TMEM208: variants seen among roughly 807,000 people sequenced by gnomAD.
TMEM208 encodes SRP-independent targeting 2 homolog.
TMEM208 carries 19 observed loss-of-function variants against 26.4 expected under a neutral mutation model. That is an observed-to-expected ratio of 0.72 (90% CI 0.50 to 1.06). The LOEUF is 1.06. TMEM208 is among the 50% of genes least tolerant of loss of function. The pLI, the probability that TMEM208 is intolerant of heterozygous loss-of-function variation, is 0.00. For missense variants in TMEM208, 183 were observed against 219.8 expected, an observed-to-expected ratio of 0.83 and a Z score of 1.06; for synonymous variants, 93 against 83.1, an observed-to-expected ratio of 1.12 and a Z score of -0.65.
At chr16:67,227,269 C>T (rs1474127808) in intron 1 of TMEM208, 45 bp downstream of exon 1, 3 of 1,599,674 alleles carry the variant, frequency 1.9e-6, no homozygotes, top group African/African-American at 2.7e-5. Context: ...CAAAGCTCTC[C>T]AGGGGCTGTG....
At chr16:67,228,935 T>C in intron 5 of TMEM208, 41 bp from the exon 6 acceptor site, 1 of 1,611,758 alleles carries the variant, frequency 6.2e-7, no homozygotes, top group Non-Finnish European at 8.5e-7. Flanking sequence ...CCCCATCTTT[T>C]ATTCCCTGCA....
Position 67,229,054 on chromosome 16 carries a change from C to G in TMEM208, c.463C>G (p.Pro155Ala). 1 of 1,613,468 alleles carries G rather than the reference C, an allele frequency of 6.2e-7. No individual in the cohort carries two copies. The highest frequency in any genetic ancestry group is 1.3e-5 in the African/African-American group (1 of 75,028). The part of the protein sequence containing the change: ...WFTADSGTPA[P>A]EHNEKRQRRQ... The stretch of plus-strand genomic sequence containing the variant: ...CACTGCAGACAGTGGCACCCCAGCA[C>G]CAGAGCACAATGAGAAACGGCAGCG... Residue 155 changes from proline (P) to alanine (A), a missense_variant, in exon 6 of 6, where the codon CCA (proline) becomes GCA (alanine). Pro to Ala is a conservative substitution (Grantham distance 27). Transcript: ENST00000304800.
At chr16:67,227,798 C>T (rs372997554) in intron 1 of TMEM208, 38 bp from the exon 2 acceptor site, 31 of 1,516,978 alleles carry the variant, frequency 2.0e-5, no homozygotes, top group Non-Finnish European at 2.6e-5. Flanking sequence ...ATGAGGAGGA[C>T]CGTGGCCTCC....
chr16:67,228,284 G>C, intron 2 of TMEM208, 71 bp from the exon 3 acceptor site: 1 of 1,554,468 alleles, frequency 6.4e-7, no homozygotes, highest in African/African-American at 1.4e-5. Context: ...CTAATTCTTG[G>C]TCAGAGTTGA....
At chr16:67,228,163 T>C in intron 2 of TMEM208, 192 bp from the exon 3 acceptor site, 1 of 687,824 alleles carries the variant, frequency 1.5e-6, no homozygotes, top group Non-Finnish European at 2.5e-6. Flanking sequence ...ACACAAAGGC[T>C]TCTTTCCTGG....
At position 67,229,264 on chromosome 16, in the gene TMEM208, ATGGCT is replaced by A; in HGVS notation, c.*153_*157del. The A allele has an allele frequency of 1.3e-6, 1 of 774,526 alleles. No individual in the cohort carries two copies. Among genetic ancestry groups the A allele is most frequent in the South Asian group, 2.0e-5 (1 of 50,378 alleles). 48.0% of individuals were successfully genotyped at this position (774,526 alleles called of 1,614,324 possible). ...TATACTCTATAGGGTCGTTGAATAA[ATGGCT>A]TAGAATGTGGCTGATGGCTGTGTGG... On this transcript the variant is annotated 3_prime_UTR_variant, in exon 6 of 6. Coordinates refer to ENST00000304800, the MANE Select transcript of TMEM208 (RefSeq NM_014187.4).
intron 3 of TMEM208, 32 bp downstream of exon 3, chr16:67,228,446 T>A: frequency 6.2e-7 from 1 of 1,613,912 alleles, no homozygotes. Flanking sequence ...GGTGGATGAG[T>A]GCGTAGGGTC....
rs2034108321 is a variant in TMEM208, at chr16:67,228,421, A to G, written c.162+7A>G. The G allele has an allele frequency of 1.2e-6, 2 of 1,613,854 alleles. No individual in the cohort carries two copies. On this transcript the variant is annotated splice_region_variant and intron_variant, in intron 3 of 5. Transcript: ENST00000304800. ...TGCCTCATTTTGGGCCTGGGTAAGT[A>G]TCTCCATCCTGGGAGGTGGATGAGT...
At chr16:67,228,766 G>A (rs1167234420) in intron 4 of TMEM208, 31 bp from the exon 5 acceptor site, 1 of 1,601,478 alleles carries the variant, frequency 6.2e-7, no homozygotes, top group South Asian at 1.1e-5. Flanking sequence ...GGGCCCATAT[G>A]CTGTCTTTCC....
chr16:67,228,966 T>C lies in TMEM208; in HGVS notation c.385-10T>C. The C allele has an allele frequency of 6.2e-7, 1 of 1,608,492 alleles. No homozygotes were observed. The highest frequency in any genetic ancestry group is 8.5e-7 in the Non-Finnish European group (1 of 1,176,806). On this transcript the variant is annotated splice_polypyrimidine_tract_variant and intron_variant, in intron 5 of 5. Coordinates refer to ENST00000304800, the MANE Select transcript of TMEM208 (RefSeq NM_014187.4). ...CTGCATCTTGCTTCAAGTTACCGTT[T>C]CTCTTGTAGGCTCCAGGCCGGGCCC...
rs1298849636 is a variant in TMEM208 at position 67,227,145 on chromosome 16, G to T, written c.-74G>T. The T allele has an allele frequency of 1.9e-6, 3 of 1,599,414 alleles. No homozygotes were observed. Among genetic ancestry groups the T allele is most frequent in the African/African-American group, 1.3e-5 (1 of 74,714 alleles). ...GGTCTGCGCCGGAAGTGCATGAGCTGCCGATGTGGTGCTTAGTGATTGCGG... is the reference window on the plus strand; with the variant it reads ...GGTCTGCGCCGGAAGTGCATGAGCTTCCGATGTGGTGCTTAGTGATTGCGG... On this transcript the variant is annotated 5_prime_UTR_variant, in exon 1 of 6. Coordinates refer to ENST00000304800, the MANE Select transcript of TMEM208 (RefSeq NM_014187.4).
chr16:67,228,405 T>C lies in TMEM208; in HGVS notation c.153T>C (p.Phe51=), dbSNP rs181945200. 1 of 1,614,038 alleles carries C rather than the reference T, an allele frequency of 6.2e-7. No individual in the cohort carries two copies. Among genetic ancestry groups the C allele is most frequent in the East Asian group, 2.2e-5 (1 of 44,882 alleles). The part of the protein sequence containing the change: ...TLVFFYSSAS[F]WAWLALGFSL... ...TCTTCTTTTACTCATCTGCCTCATTTTGGGCCTGGGTAAGTATCTCCATCC... is the reference window on the plus strand; with the variant it reads ...TCTTCTTTTACTCATCTGCCTCATTCTGGGCCTGGGTAAGTATCTCCATCC... Residue 51 remains phenylalanine (F), a synonymous_variant, in exon 3 of 6, where the codon TTT becomes TTC. Transcript: ENST00000304800.
Position 67,229,075 on chromosome 16 carries a change from C to G in TMEM208, c.484C>G (p.Gln162Glu). Reference sequence around the variant, plus strand: ...AGCACCAGAGCACAATGAGAAACGGCAGCGCCGACAGGAGCGGCGGCAGAT... The same window carrying G: ...AGCACCAGAGCACAATGAGAAACGGGAGCGCCGACAGGAGCGGCGGCAGAT... ...TPAPEHNEKR[Q>E]RRQERRQMKR... Residue 162 changes from glutamine (Q) to glutamate (E), a missense_variant, in exon 6 of 6, where the codon CAG (glutamine) becomes GAG (glutamate). Gln to Glu is a conservative substitution (Grantham distance 29). Transcript: ENST00000304800. 1 of 1,612,800 alleles carries G rather than the reference C, an allele frequency of 6.2e-7. No homozygotes were observed. The highest frequency in any genetic ancestry group is 1.1e-5 in the South Asian group (1 of 91,004).
chr16:67,228,268 C>T, intron 2 of TMEM208, 87 bp from the exon 3 acceptor site: 2 of 1,460,868 alleles, frequency 1.4e-6, no homozygotes, highest in Non-Finnish European at 1.9e-6. Context: ...CCTCCCACAG[C>T]CTGGCCTAAT....
chr16:67,229,126 T>TGGCCACA lies in TMEM208; in HGVS notation c.*20_*26dup, dbSNP rs1345972025. 2.5e-6 allele frequency: 4 copies of TGGCCACA among 1,581,406 alleles called. No homozygotes were observed. The highest frequency in any genetic ancestry group is 8.6e-7 in the Non-Finnish European group (1 of 1,164,130). ...GAAGCGGTTATAGCCATTGACATTG[T>TGGCCACA]GGCCACAGGCCACTGGCCCTGGGTG... On this transcript the variant is annotated 3_prime_UTR_variant, in exon 6 of 6. Transcript: ENST00000304800.
Position 67,227,208 on chromosome 16 carries a change from T to G in TMEM208, c.-11T>G. The G allele has an allele frequency of 6.2e-7, 1 of 1,612,126 alleles. No individual in the cohort carries two copies. Among genetic ancestry groups the G allele is most frequent in the Non-Finnish European group, 8.5e-7 (1 of 1,178,758 alleles). On this transcript the variant is annotated 5_prime_UTR_variant, in exon 1 of 6. Transcript: ENST00000304800. ...TCCCGTGTTTCCCGGGCTGGGTATT[T>G]GCCTCGCACCATGGCGGTAAGGAGG...
rs760915236 is a variant in TMEM208, at chr16:67,228,393, A to C, written c.141A>C (p.Ser47=). ...TTGTGACGTTGGTCTTCTTTTACTC[A>C]TCTGCCTCATTTTGGGCCTGGGTAA... is the stretch of plus-strand genomic sequence containing the variant. ...YCLVTLVFFY[S]SASFWAWLAL... Residue 47 remains serine (S), a synonymous_variant, in exon 3 of 6, where the codon TCA becomes TCC. Transcript: ENST00000304800. The C allele has an allele frequency of 6.2e-7, 1 of 1,613,948 alleles. No homozygotes were observed. Among genetic ancestry groups the C allele is most frequent in the Non-Finnish European group, 8.5e-7 (1 of 1,179,888 alleles).
rs1555495624 is a variant in TMEM208, at chr16:67,228,629, A to G, written c.297A>G (p.Ala99=). The change falls in exon 4 of 6, where the codon GCA becomes GCG. Residue 99 remains alanine (A), a splice_region_variant and synonymous_variant. Coordinates refer to ENST00000304800, the MANE Select transcript of TMEM208 (RefSeq NM_014187.4). The part of the protein sequence containing the change: ...GMDLNMEQGM[A]EHLKDVILLT... ...ACCTCAACATGGAGCAGGGCATGGC[A>G]GAGTGAGTGTCCCCCACCGCCAGCC... 1 of 1,563,930 alleles carries G rather than the reference A, an allele frequency of 6.4e-7. No individual in the cohort carries two copies. The highest frequency in any genetic ancestry group is 8.7e-7 in the Non-Finnish European group (1 of 1,153,094).
Position 67,228,854 on chromosome 16 carries a change from T to C in TMEM208, c.357T>C (p.Ser119=), listed in dbSNP as rs2034129290. ...TCGTGCAGGTGCTCAGCTGCTTCTC[T>C]CTCTATGTCTGGTCCTTCTGGCTTC... is the stretch of plus-strand genomic sequence containing the variant. ...TAIVQVLSCF[S]LYVWSFWLLA... is the part of the protein sequence containing the mutation. Residue 119 remains serine, a synonymous_variant, in exon 5 of 6, where the codon TCT becomes TCC. Coordinates refer to ENST00000304800, the MANE Select transcript of TMEM208 (RefSeq NM_014187.4). The C allele has an allele frequency of 1.9e-6, 3 of 1,613,848 alleles. No individual in the cohort carries two copies. The highest frequency in any genetic ancestry group is 3.3e-5 in the Admixed American group (2 of 59,986).
Sources: allele counts gnomAD v4.1 joint callset, GRCh38; gene constraint gnomAD v4.1.1; transcripts MANE v1.5; gene names NCBI Gene and HGNC (gene_info 2026-07-23, HGNC 2026-07-21).